Variants in SHISA9 observed in about 807,000 individuals in gnomAD.
SHISA9 encodes the protein protein shisa-9.
In SHISA9, 13 loss-of-function variants were observed where a neutral mutation model predicts 38.0. The ratio of observed to expected loss-of-function variants is 0.34; its 90% CI spans 0.22 to 0.54. The LOEUF is 0.54. Ranked by LOEUF, SHISA9 falls within the 20% of genes least tolerant of loss-of-function variation. The pLI, the probability that SHISA9 is intolerant of heterozygous loss-of-function variation, is 0.91. For synonymous variants in SHISA9, 275 were observed against 242.0 expected (o/e 1.14, Z -1.27); for missense variants, 538 against 575.8 (o/e 0.93, Z 0.67).
chr16:13,469,315 A>AGG, the SHISA9 span, among the ~76,000 whole-genome samples: 1 of 109,170 alleles, frequency 9.2e-6, no homozygotes, highest in Non-Finnish European at 1.8e-5. Flanking sequence ...AGAGAGAGAG[A>AGG]GAGAGAGAAA....
intron 4 of SHISA9, among the ~76,000 whole-genome samples, chr16:13,224,051 A>C (rs1488000882): frequency 2.0e-5 from 3 of 152,200 alleles, no homozygotes; most frequent in Non-Finnish European, 2.9e-5. Flanking sequence ...ACCAATGGTA[A>C]CACCTACCTC....
intron 2 of SHISA9, among the ~76,000 whole-genome samples, chr16:13,097,400 A>G (rs530514681): frequency 1.3e-5 from 2 of 151,610 alleles, no homozygotes; most frequent in Non-Finnish European, 2.9e-5. Context: ...GCCCGACATC[A>G]TAGTGGCATT....
chr16:13,342,646 A>G, the SHISA9 span, among the ~76,000 whole-genome samples: 1 of 152,154 alleles, frequency 6.6e-6, no homozygotes, highest in African/African-American at 2.4e-5. Context: ...CTCTAATACA[A>G]TAACTCTTCA....
intron 2 of SHISA9, among the ~76,000 whole-genome samples, chr16:12,987,352 C>T (rs2072324822): frequency 6.6e-6 from 1 of 152,174 alleles, no homozygotes; most frequent in African/African-American, 2.4e-5. Flanking sequence ...CCCAAATGCC[C>T]ATCAATGATA....
chr16:12,976,793 G>A (rs2072168348), intron 2 of SHISA9, among the ~76,000 whole-genome samples: 1 of 152,098 alleles, frequency 6.6e-6, no homozygotes, highest in Non-Finnish European at 1.5e-5. Context: ...TTTCACCTGT[G>A]GCTTTGCCTG....
Position 13,019,459 on chromosome 16 carries a change from T to C in SHISA9, c.691+102644T>C, listed in dbSNP as rs561367502. ...CAGTGGGAGAGCTCTCTGGCGTCTC[T>C]TTTTTTTTTCAGATTTTTAAAAAAA... On this transcript the variant is annotated intron_variant, in intron 2 of 4. Transcript: ENST00000558583. Among the ~76,000 whole-genome samples, 368 of 149,794 alleles carry C rather than the reference T, an allele frequency of 2.5e-3. 2 individuals carry two copies. The highest frequency in any genetic ancestry group is 8.3e-3 in the African/African-American group (340 of 40,914).
chr16:13,167,036 A>G (rs888607011), intron 2 of SHISA9, among the ~76,000 whole-genome samples: 2 of 147,938 alleles, frequency 1.4e-5, no homozygotes, highest in African/African-American at 5.0e-5. Flanking sequence ...TTTTATTCTT[A>G]CTTTACTCTA....
At chr16:12,910,567 T>C in intron 1 of SHISA9, 10 of 985,448 alleles carry the variant, frequency 1.0e-5, no homozygotes, top group Non-Finnish European at 1.2e-5. Context: ...CAGTACTCTC[T>C]TGTGAAATTT....
At chr16:13,211,570 A>G (rs991022024) in intron 3 of SHISA9, among the ~76,000 whole-genome samples, 2 of 152,142 alleles carry the variant, frequency 1.3e-5, no homozygotes, top group African/African-American at 2.4e-5. Flanking sequence ...CTTCCTCTTC[A>G]TGAGCATTTT....
intron 2 of SHISA9, among the ~76,000 whole-genome samples, chr16:13,020,739 A>G (rs1183820654): frequency 6.6e-6 from 1 of 152,190 alleles, no homozygotes; most frequent in Non-Finnish European, 1.5e-5. Flanking sequence ...TCTCTTTTGC[A>G]TATTAGGATC....
At position 13,215,170 on chromosome 16, in the gene SHISA9, C is replaced by A. The variant is rs186465812; in HGVS notation, c.895+1870C>A. Among the ~76,000 whole-genome samples, 88 of 152,220 alleles carry A rather than the reference C, an allele frequency of 5.8e-4. 1 individual carries two copies. The highest frequency in any genetic ancestry group is 5.2e-3 in the Admixed American group (79 of 15,296). ...TGAGGAGGGGGAGGGATCATGAGAC[C>A]AATGGTTCTCACGTTGTAACCAGCT... On this transcript the variant is annotated intron_variant, in intron 4 of 4. Transcript: ENST00000558583.
chr16:13,087,224 T>TCATTGATGG (rs2073723005), intron 2 of SHISA9, among the ~76,000 whole-genome samples: 1 of 148,626 alleles, frequency 6.7e-6, no homozygotes, highest in Non-Finnish European at 1.5e-5. Context: ...ATGCAGTCTA[T>TCATTGATGG]CATTGATGGA....
intron 2 of SHISA9, among the ~76,000 whole-genome samples, chr16:13,167,057 C>T (rs1487574575): frequency 6.8e-6 from 1 of 146,366 alleles, no homozygotes; most frequent in Non-Finnish European, 1.5e-5. Context: ...CTTCTTCTCT[C>T]TCTCTCTCTT....
intron 2 of SHISA9, among the ~76,000 whole-genome samples, chr16:13,193,671 T>A (rs2050909482): frequency 6.6e-6 from 1 of 152,168 alleles, no homozygotes; most frequent in Non-Finnish European, 1.5e-5. Context: ...AGCACATGAC[T>A]TTTGTCTGAG....
the SHISA9 span, among the ~76,000 whole-genome samples, chr16:13,446,099 T>G: frequency 6.6e-6 from 1 of 152,032 alleles, no homozygotes; most frequent in Non-Finnish European, 1.5e-5. Flanking sequence ...CCCGCCACCA[T>G]GCCCAGTTAG....
the SHISA9 span, among the ~76,000 whole-genome samples, chr16:13,308,171 G>A: frequency 6.6e-6 from 1 of 150,692 alleles, no homozygotes; most frequent in East Asian, 1.9e-4. Context: ...AGAATACAAT[G>A]TTCTGGGACT....
chr16:13,379,205 T>A, the SHISA9 span, among the ~76,000 whole-genome samples: 1 of 152,112 alleles, frequency 6.6e-6, no homozygotes, highest in African/African-American at 2.4e-5. Context: ...AGTTTGAATA[T>A]GAAAAAGAGG....
At chr16:13,419,918 C>T in the SHISA9 span, among the ~76,000 whole-genome samples, 7 of 152,122 alleles carry the variant, frequency 4.6e-5, no homozygotes, top group South Asian at 6.2e-4. Context: ...ATCTACACTG[C>T]GTTAATCACT....
At chr16:13,141,160 CCAT>C (rs1310413149) in intron 2 of SHISA9, among the ~76,000 whole-genome samples, 4 of 152,210 alleles carry the variant, frequency 2.6e-5, no homozygotes, top group African/African-American at 9.6e-5. Context: ...TGGAATCCTA[CCAT>C]CTAAAGGCAA....
Sources: allele counts gnomAD v4.1 joint callset (sites outside exome capture counted in the v4.1 genomes callset), GRCh38; gene constraint gnomAD v4.1.1; transcripts MANE v1.5; gene names NCBI Gene and HGNC (gene_info 2026-07-23, HGNC 2026-07-21).